The following AZIN2 variants were observed in gnomAD, a reference collection of about 807,000 sequenced individuals.
AZIN2 encodes antizyme inhibitor 2.
AZIN2 carries 28 observed loss-of-function variants against 47.8 expected under a neutral mutation model. The observed-to-expected ratio is 0.59, with a 90% CI of 0.43 to 0.80. AZIN2 has a LOEUF of 0.80. Among genes scored for constraint, AZIN2 ranks in the 30% least tolerant of loss-of-function variants. The pLI is 0.00. For missense variants in AZIN2, 535 were observed against 582.5 expected (o/e 0.92, Z 0.84); for synonymous variants, 221 against 239.4 (o/e 0.92, Z 0.71).
At position 33,120,440 on chromosome 1, in the gene AZIN2, T is replaced by G; in HGVS notation, c.*258T>G. On this transcript the variant is annotated 3_prime_UTR_variant, in exon 12 of 12. Coordinates refer to ENST00000294517, the MANE Select transcript of AZIN2 (RefSeq NM_052998.4). Reference sequence around the variant, plus strand: ...AGTGCAAGGGGCCTGGTCAGCCAGGTGTGGGGGTGTTCTTGGGGTCTCCTT... The same window carrying G: ...AGTGCAAGGGGCCTGGTCAGCCAGGGGTGGGGGTGTTCTTGGGGTCTCCTT... The G allele has an allele frequency of 2.2e-6, 1 of 460,852 alleles. No homozygotes were observed. Among genetic ancestry groups the G allele is most frequent in the Admixed American group, 3.8e-5 (1 of 26,292 alleles). The allele number at this position is 460,852 out of a possible 1,614,324, so 28.5% of individuals were successfully genotyped here. A position where few individuals can be genotyped will look rare whatever the true frequency, so the allele number is the denominator to read the frequency against.
the AZIN2 span, among the ~76,000 whole-genome samples, chr1:33,148,683 TAC>T: frequency 1.3e-5 from 2 of 152,222 alleles, no homozygotes; most frequent in African/African-American, 4.8e-5. Flanking sequence ...TATGTACATA[TAC>T]ACACACAACA....
At chr1:33,127,847 C>A (rs1644867921), downstream of AZIN2, among the ~76,000 whole-genome samples, 1 of 152,104 alleles carries the variant, frequency 6.6e-6, no homozygotes, top group African/African-American at 2.4e-5. Flanking sequence ...GCTTGCCAGG[C>A]CCTGCTCTCG....
rs76199750 is a variant in AZIN2, at chr1:33,115,421, T to A, written c.1030-2481T>A. On this transcript the variant is annotated intron_variant, in intron 10 of 11. Coordinates refer to ENST00000294517, the MANE Select transcript of AZIN2 (RefSeq NM_052998.4). ...CACAGATTCCTTAAAAAAAAAAAAA[T>A]AGGCTGGGTGCAGTGGCTCACACCT... Among the ~76,000 whole-genome samples, 50 of 147,294 alleles carry A rather than the reference T, an allele frequency of 3.4e-4. No individual in the cohort carries two copies. In the South Asian group the frequency reaches 4.9e-3, roughly 14 times the overall value.
chr1:33,143,504 G>A, the AZIN2 span, among the ~76,000 whole-genome samples: 1,648 of 152,268 alleles, frequency 0.011, 24 homozygotes, highest in African/African-American at 0.036. Flanking sequence ...TCACTTCCCT[G>A]TGAACTGGGC....
Position 33,111,750 on chromosome 1 carries a change from C to T in AZIN2, c.1030-6152C>T, listed in dbSNP as rs1467767292. On this transcript the variant is annotated intron_variant, in intron 10 of 11. Transcript: ENST00000294517. ...CCAGGTAGCTGGGTTTACAGGCACA[C>T]GCCACCGTGCCTGGCTAATTTTTGT... Among the ~76,000 whole-genome samples the T allele has an allele frequency of 1.1e-4, 17 of 151,866 alleles. 1 individual carries two copies. Among genetic ancestry groups the T allele is most frequent in the Admixed American group, 7.2e-4 (11 of 15,232 alleles).
At position 33,091,914 on chromosome 1, in the gene AZIN2, T is replaced by C. The variant is rs974987011; in HGVS notation, c.280-136T>C. 26 of 835,014 alleles carry C rather than the reference T, an allele frequency of 3.1e-5. No homozygotes were observed. In the Admixed American group the frequency reaches 7.0e-4, roughly 22 times the overall value. 51.7% of individuals were successfully genotyped at this position (835,014 alleles called of 1,614,324 possible). A position where few individuals can be genotyped will look rare whatever the true frequency, so the allele number is the denominator to read the frequency against. On this transcript the variant is annotated intron_variant, in intron 5 of 11. Transcript: ENST00000294517. ...ATGTAAGTCCTGATATCTATGTATCTGTTGTCTTAGAGCAAGGCCCACTGT... is the reference window on the plus strand; with the variant it reads ...ATGTAAGTCCTGATATCTATGTATCCGTTGTCTTAGAGCAAGGCCCACTGT...
downstream of AZIN2, among the ~76,000 whole-genome samples, chr1:33,124,073 G>A (rs540203469): frequency 5.9e-5 from 9 of 152,136 alleles, no homozygotes; most frequent in Admixed American, 1.3e-4. This position sits in a 1 kb window ranked among gnomAD's most constrained non-coding sequence, Gnocchi z 4.6. Flanking sequence ...GGCTGAGACA[G>A]GAGAATCACT....
chr1:33,137,936 A>G, the AZIN2 span, among the ~76,000 whole-genome samples: 1 of 152,214 alleles, frequency 6.6e-6, no homozygotes, highest in Non-Finnish European at 1.5e-5. Flanking sequence ...GGTTGGCAGC[A>G]GAGCCGAGGA....
the AZIN2 span, among the ~76,000 whole-genome samples, chr1:33,152,023 A>G: frequency 6.6e-6 from 1 of 152,246 alleles, no homozygotes; most frequent in Non-Finnish European, 1.5e-5. Flanking sequence ...TCAGTCCCTC[A>G]GATGTACAGG....
the AZIN2 span, chr1:33,147,324 G>A: frequency 6.2e-7 from 1 of 1,614,218 alleles, no homozygotes; most frequent in East Asian, 2.2e-5. This position sits in a 1 kb window ranked among gnomAD's most constrained non-coding sequence, Gnocchi z 8.1. Flanking sequence ...TGTAGAAGAT[G>A]AGCAAGCCTT....
chr1:33,111,341 G>T (rs925370415), intron 10 of AZIN2, among the ~76,000 whole-genome samples: 3 of 152,128 alleles, frequency 2.0e-5, no homozygotes, highest in African/African-American at 7.2e-5. Flanking sequence ...TGTCTTCATT[G>T]TGGGGTTTTG....
At chr1:33,085,349 A>G (rs930883218) in intron 5 of AZIN2, among the ~76,000 whole-genome samples, 1 of 152,134 alleles carries the variant, frequency 6.6e-6, no homozygotes, top group African/African-American at 2.4e-5. Flanking sequence ...GTACTTTTAG[A>G]TAGTTTGGCC....
intron 5 of AZIN2, among the ~76,000 whole-genome samples, chr1:33,090,770 A>G (rs1009567274): frequency 6.6e-6 from 1 of 152,280 alleles, no homozygotes; most frequent in East Asian, 1.9e-4. Flanking sequence ...AACTATAGTC[A>G]CCATGATGTA....
chr1:33,111,607 AT>A (rs752298737), intron 10 of AZIN2, among the ~76,000 whole-genome samples: 13,846 of 144,688 alleles, frequency 0.096, 780 homozygotes, highest in Admixed American at 0.18. Context: ...TATATGAATA[AT>A]TTTTTTTTTT....
the AZIN2 span, among the ~76,000 whole-genome samples, chr1:33,138,629 A>C: frequency 8.7e-4 from 121 of 139,702 alleles, no homozygotes; most frequent in East Asian, 3.9e-3. Flanking sequence ...ACAACAACAA[A>C]AAAAAAAAAA....
Position 33,084,204 on chromosome 1 carries a change from T to C in AZIN2, c.279+77T>C. 1.7e-5 allele frequency: 27 copies of C among 1,563,034 alleles called. No homozygotes were observed. In the South Asian group the frequency reaches 2.8e-4, roughly 16 times the overall value. On this transcript the variant is annotated intron_variant, in intron 5 of 11. Transcript: ENST00000294517. ...CATGGCCAGGCTAGTCCAGGTGGGC[T>C]CTGGGGAGCAAGAGGTACCTGTAGT...
At chr1:33,160,597 G>A in the AZIN2 span, among the ~76,000 whole-genome samples, 2,875 of 152,070 alleles carry the variant, frequency 0.019, 89 homozygotes, top group African/African-American at 0.065. Context: ...TAGAGATGGG[G>A]TTTCACCATG....
At chr1:33,103,708 A>AC (rs1295283636) in intron 10 of AZIN2, among the ~76,000 whole-genome samples, 3 of 152,130 alleles carry the variant, frequency 2.0e-5, no homozygotes, top group Non-Finnish European at 4.4e-5. Context: ...AGCACCAGAC[A>AC]CAGTGCCTGG....
At chr1:33,130,139 A>G in the AZIN2 span, among the ~76,000 whole-genome samples, 1 of 152,160 alleles carries the variant, frequency 6.6e-6, no homozygotes, top group South Asian at 2.1e-4. Context: ...GATTACAGGT[A>G]TGAACCACTG....
Sources: allele counts gnomAD v4.1 joint callset (sites outside exome capture counted in the v4.1 genomes callset), GRCh38; gene constraint gnomAD v4.1.1; non-coding constraint Gnocchi (gnomAD v3.1); transcripts MANE v1.5; gene names NCBI Gene and HGNC (gene_info 2026-07-23, HGNC 2026-07-21).